The following NRXN1 variants were observed in gnomAD, a reference collection of about 807,000 sequenced individuals.
The protein encoded by NRXN1 is neurexin 1.
Under a neutral mutation model 150.9 loss-of-function variants are expected in NRXN1, and 39 were observed. The ratio of observed to expected loss-of-function variants is 0.26; its 90% CI spans 0.20 to 0.34. NRXN1 has a LOEUF of 0.34. Among genes scored for constraint, NRXN1 ranks in the 10% least tolerant of loss-of-function variants. The pLI is 1.00. For missense variants in NRXN1, 1,815 were observed against 1,949.9 expected, an observed-to-expected ratio of 0.93 and a Z score of 1.30; for synonymous variants, 924 against 757.0, an observed-to-expected ratio of 1.22 and a Z score of -3.62.
chr2:50,168,696 C>T (rs534090934), intron 18 of NRXN1, among the ~76,000 whole-genome samples: 1 of 152,124 alleles, frequency 6.6e-6, no homozygotes, highest in East Asian at 1.9e-4. Flanking sequence ...AGAGGCCAAC[C>T]AACACTTTAT....
At chr2:50,269,959 T>G (rs1482617782) in intron 17 of NRXN1, among the ~76,000 whole-genome samples, 1 of 152,150 alleles carries the variant, frequency 6.6e-6, no homozygotes, top group Non-Finnish European at 1.5e-5. Flanking sequence ...AAAAAGCACA[T>G]TCTGTTAAAA....
In NRXN1 at chr2:51,028,304, C is replaced by T. The variant is rs774347162; in HGVS notation, c.-31G>A. 17 of 1,396,528 alleles carry T rather than the reference C, an allele frequency of 1.2e-5. No individual in the cohort carries two copies. Among genetic ancestry groups the T allele is most frequent in the South Asian group, 1.6e-5 (1 of 62,452 alleles). 86.5% of individuals were successfully genotyped at this position (1,396,528 alleles called of 1,614,324 possible). On this transcript the variant is annotated 5_prime_UTR_variant, in exon 2 of 23. Coordinates refer to ENST00000401669, the MANE Select transcript of NRXN1 (RefSeq NM_001330078.2). ...GGGCTGGGGTGCGGCGGGGGGGTGC[C>T]GGGGCCGACAGGGTCAAAATGGTCC...
chr2:50,452,349 G>C (rs1396993154), intron 17 of NRXN1, among the ~76,000 whole-genome samples: 1 of 152,082 alleles, frequency 6.6e-6, no homozygotes, highest in Admixed American at 6.6e-5. Flanking sequence ...TGAGGGTTGA[G>C]GAAAAAGAAG....
chr2:50,198,638 C>T (rs531456995), intron 18 of NRXN1, among the ~76,000 whole-genome samples: 27 of 152,066 alleles, frequency 1.8e-4, no homozygotes, highest in Admixed American at 5.9e-4. Flanking sequence ...GCAGAACCAT[C>T]GATGTGACAA....
At chr2:50,016,949 A>G (rs1686737429) in intron 21 of NRXN1, among the ~76,000 whole-genome samples, 1 of 152,186 alleles carries the variant, frequency 6.6e-6, no homozygotes, top group Non-Finnish European at 1.5e-5. Flanking sequence ...TAAGTAACAA[A>G]GAGCCTGGAA....
intron 5 of NRXN1, among the ~76,000 whole-genome samples, chr2:50,661,325 C>A (rs149566547): frequency 6.6e-6 from 1 of 152,026 alleles, no homozygotes; most frequent in Non-Finnish European, 1.5e-5. Context: ...TACTTTTAGA[C>A]GTGCATTTTT....
At chr2:50,501,360 A>G (rs941598853) in intron 13 of NRXN1, among the ~76,000 whole-genome samples, 2 of 150,102 alleles carry the variant, frequency 1.3e-5, no homozygotes, top group African/African-American at 2.5e-5. Flanking sequence ...GAGGATTTGA[A>G]GCAGGGGTTA....
At chr2:50,056,270 C>A (rs935135275) in intron 19 of NRXN1, among the ~76,000 whole-genome samples, 2 of 152,030 alleles carry the variant, frequency 1.3e-5, no homozygotes, top group Non-Finnish European at 2.9e-5. Flanking sequence ...TAAGTGCTTT[C>A]TTTTGCTACT....
At position 50,471,704 on chromosome 2, in the gene NRXN1, G is replaced by T. The variant is rs572482812; in HGVS notation, c.3244+594C>A. ...AAGAGAACACATGAACACATAGAGG[G>T]GATCAACAGACACTGGGGCCTACTG... is the stretch of plus-strand genomic sequence containing the variant. On this transcript the variant is annotated intron_variant, in intron 16 of 22. Coordinates refer to ENST00000401669, the MANE Select transcript of NRXN1 (RefSeq NM_001330078.2). 2.2e-4 allele frequency among the ~76,000 whole-genome samples: 33 copies of T among 151,802 alleles called. 1 individual carries two copies. In the East Asian group the frequency reaches 5.8e-3, roughly 27 times the overall value.
intron 5 of NRXN1, among the ~76,000 whole-genome samples, chr2:50,644,202 T>C (rs370142392): frequency 3.4e-4 from 51 of 151,884 alleles, no homozygotes; most frequent in African/African-American, 1.2e-3. Flanking sequence ...ACTTGATATA[T>C]GTAATTATTT....
intron 5 of NRXN1, among the ~76,000 whole-genome samples, chr2:50,905,397 T>C (rs1191193774): frequency 2.0e-5 from 3 of 152,148 alleles, no homozygotes; most frequent in Non-Finnish European, 2.9e-5. Context: ...GGGCACACAG[T>C]AGGGAGTAAG....
chr2:50,323,758 C>T (rs2152976619), intron 17 of NRXN1, among the ~76,000 whole-genome samples: 1 of 152,244 alleles, frequency 6.6e-6, no homozygotes, highest in Non-Finnish European at 1.5e-5. Context: ...CTATGTGTAT[C>T]TGTTCATTAA....
rs377298642 is a variant in NRXN1, at chr2:50,077,479, A to G, written c.3718+13844T>C. Among the ~76,000 whole-genome samples the G allele has an allele frequency of 2.2e-3, 329 of 152,256 alleles. 11 individuals carry two copies. In the South Asian group the frequency reaches 0.062, roughly 29 times the overall value. ...TTACTAAAGCAAATCTTTTCATTTA[A>G]AAAAGCTTCCTTTTGCTTGTTTCGC... On this transcript the variant is annotated intron_variant, in intron 19 of 22. Transcript: ENST00000401669.
chr2:49,937,064 G>A (rs1300854276), intron 22 of NRXN1, among the ~76,000 whole-genome samples: 1 of 152,142 alleles, frequency 6.6e-6, no homozygotes, highest in Admixed American at 6.5e-5. Context: ...GGACTTGGGA[G>A]CCATCTCTTC....
intron 5 of NRXN1, among the ~76,000 whole-genome samples, chr2:50,841,766 C>G (rs1227589092): frequency 6.6e-6 from 1 of 152,180 alleles, no homozygotes; most frequent in South Asian, 2.1e-4. Flanking sequence ...GAAATTGCCA[C>G]AGATTATTCC....
intron 5 of NRXN1, among the ~76,000 whole-genome samples, chr2:50,875,777 G>A (rs950391513): frequency 6.6e-6 from 1 of 151,786 alleles, no homozygotes; most frequent in African/African-American, 2.4e-5. Flanking sequence ...CTAAGCTAAT[G>A]GGTGGCAGAA....
intron 18 of NRXN1, among the ~76,000 whole-genome samples, chr2:50,147,132 G>C (rs1208243738): frequency 6.6e-6 from 1 of 151,634 alleles, no homozygotes; most frequent in Non-Finnish European, 1.5e-5. Flanking sequence ...CTCACATCTG[G>C]GATCATCAGG....
intron 13 of NRXN1, among the ~76,000 whole-genome samples, chr2:50,499,092 G>T (rs1342208923): frequency 1.3e-5 from 2 of 152,094 alleles, no homozygotes; most frequent in Admixed American, 1.3e-4. Flanking sequence ...TAAAATATTA[G>T]ACAGTGTTTA....
chr2:50,340,295 G>C (rs1424114555), intron 17 of NRXN1, among the ~76,000 whole-genome samples: 1 of 152,118 alleles, frequency 6.6e-6, no homozygotes, highest in African/African-American at 2.4e-5. Flanking sequence ...TATTTTGTGA[G>C]AGAATGGAAT....
Sources: gnomAD v4.1 joint callset for allele counts (sites outside exome capture counted in the v4.1 genomes callset) on GRCh38, gnomAD v4.1.1 for gene constraint, MANE v1.5 for transcripts, NCBI Gene and HGNC (gene_info 2026-07-23, HGNC 2026-07-21) for gene names.